The following RBFOX1 variants were observed in gnomAD, a reference collection of about 807,000 sequenced individuals.
RBFOX1 encodes the protein RNA binding protein fox-1 homolog 1.
RBFOX1 carries 8 observed loss-of-function variants against 57.7 expected under a neutral mutation model. That is an observed-to-expected ratio of 0.14 (90% CI 0.08 to 0.25). The LOEUF (loss-of-function observed/expected upper bound fraction) is 0.25. RBFOX1 is among the 10% of genes least tolerant of loss of function. The pLI is 1.00. For synonymous variants in RBFOX1, 326 were observed against 222.4 expected (o/e 1.47, Z -4.15); for missense variants, 611 against 548.5 (o/e 1.11, Z -1.14).
intron 3 of RBFOX1, among the ~76,000 whole-genome samples, chr16:5,626,003 T>G (rs1596498674): frequency 6.6e-6 from 1 of 152,104 alleles, no homozygotes; most frequent in African/African-American, 2.4e-5. Flanking sequence ...CAGCCTCCCA[T>G]GTAGCTGGGA....
intron 4 of RBFOX1, among the ~76,000 whole-genome samples, chr16:7,121,052 A>G (rs1208209077): frequency 6.6e-6 from 1 of 152,048 alleles, no homozygotes; most frequent in Non-Finnish European, 1.5e-5. Flanking sequence ...ATTGGAAAAC[A>G]AAAGCTAATC....
intron 3 of RBFOX1, among the ~76,000 whole-genome samples, chr16:6,934,207 A>T (rs950376816): frequency 6.6e-6 from 1 of 152,182 alleles, no homozygotes; most frequent in African/African-American, 2.4e-5. Context: ...TGGTCTAGGG[A>T]TTCTTGCTAT....
At chr16:6,771,939 G>C (rs147076240) in intron 3 of RBFOX1, among the ~76,000 whole-genome samples, 1 of 152,100 alleles carries the variant, frequency 6.6e-6, no homozygotes, top group African/African-American at 2.4e-5. Context: ...CCTACTCTGG[G>C]CATTGTGTAG....
intron 3 of RBFOX1, among the ~76,000 whole-genome samples, chr16:5,710,847 G>T (rs1004927911): frequency 2.0e-4 from 30 of 152,316 alleles, no homozygotes; most frequent in African/African-American, 6.5e-4. Flanking sequence ...TTGTGGCTCT[G>T]CAAGACCTGG....
chr16:6,220,682 G>GTT (rs766849845), intron 1 of RBFOX1, among the ~76,000 whole-genome samples: 25 of 150,638 alleles, frequency 1.7e-4, no homozygotes, highest in Non-Finnish European at 3.0e-4. Flanking sequence ...TACTGTAGAT[G>GTT]TATTTTTCAT....
chr16:7,367,142 G>A (rs2097467744), intron 4 of RBFOX1, among the ~76,000 whole-genome samples: 1 of 151,988 alleles, frequency 6.6e-6, no homozygotes, highest in Non-Finnish European at 1.5e-5. Context: ...AGTTGGGAAA[G>A]ATGGTCTCCT....
rs1232236632 is a variant in RBFOX1, at chr16:7,210,985, G to C, written c.27+158887G>C. Among the ~76,000 whole-genome samples the C allele has an allele frequency of 4.0e-5, 6 of 151,740 alleles. No homozygotes were observed. The South Asian group carries it at 1.2e-3, about 32-fold the overall frequency. On this transcript the variant is annotated intron_variant, in intron 4 of 15. Transcript: ENST00000550418. ...GGAAACTAATTTTATGAGATGATGA[G>C]TGTGTTAAATTGCTTGACTACATAA...
At chr16:5,533,873 C>T (rs1030225297) in intron 2 of RBFOX1, among the ~76,000 whole-genome samples, 1 of 152,002 alleles carries the variant, frequency 6.6e-6, no homozygotes, top group African/African-American at 2.4e-5. Context: ...GAGAGGTGGG[C>T]AGGGGTGTTG....
Position 7,172,150 on chromosome 16 carries a change from T to C in RBFOX1, c.27+120052T>C, listed in dbSNP as rs571764115. On this transcript the variant is annotated intron_variant, in intron 4 of 15. Coordinates refer to ENST00000550418, the MANE Select transcript of RBFOX1 (RefSeq NM_018723.4). ...TAAGTTATAAATGACCTTTCATTTTTAGAATTCTGCATCCTGGAATTAAAG... is the reference window on the plus strand; with the variant it reads ...TAAGTTATAAATGACCTTTCATTTTCAGAATTCTGCATCCTGGAATTAAAG... Among the ~76,000 whole-genome samples the C allele has an allele frequency of 2.0e-5, 3 of 152,352 alleles. No individual in the cohort carries two copies. The South Asian group carries it at 6.2e-4, about 32-fold the overall frequency.
intron 4 of RBFOX1, among the ~76,000 whole-genome samples, chr16:5,873,244 C>G (rs987062562): frequency 1.1e-4 from 17 of 152,298 alleles, no homozygotes; most frequent in Middle Eastern, 3.4e-3. Context: ...GTTTTGAAAG[C>G]TTGCTGTGCT....
At chr16:6,864,988 TCTTTTTC>T (rs1427284882) in intron 3 of RBFOX1, among the ~76,000 whole-genome samples, 6 of 111,538 alleles carry the variant, frequency 5.4e-5, no homozygotes, top group African/African-American at 1.9e-4. Flanking sequence ...AGTGGGTTTT[TCTTTTTC>T]TTTTTTTTTT....
At chr16:5,837,682 A>G (rs1190894703) in intron 3 of RBFOX1, among the ~76,000 whole-genome samples, 1 of 148,992 alleles carries the variant, frequency 6.7e-6, no homozygotes, top group African/African-American at 2.5e-5. Flanking sequence ...GAGGATTTTT[A>G]GTTCTATCCC....
chr16:7,124,712 ACT>A (rs1275215196), intron 4 of RBFOX1, among the ~76,000 whole-genome samples: 1 of 151,710 alleles, frequency 6.6e-6, no homozygotes, highest in African/African-American at 2.4e-5. Flanking sequence ...ACACAAAAAG[ACT>A]CTATATCACA....
At chr16:7,569,122 C>T (rs140616551) in intron 5 of RBFOX1, among the ~76,000 whole-genome samples, 8 of 152,154 alleles carry the variant, frequency 5.3e-5, no homozygotes, top group East Asian at 1.9e-4. Flanking sequence ...AAAACAGGAC[C>T]GTCCCATTGA....
chr16:7,117,729 C>T (rs1015552914), intron 4 of RBFOX1, among the ~76,000 whole-genome samples: 8 of 152,206 alleles, frequency 5.3e-5, no homozygotes, highest in Non-Finnish European at 1.0e-4. Context: ...GAAATTTGAG[C>T]ATGGCTTAGC....
intron 8 of RBFOX1, 185 bp from the exon 9 acceptor site, chr16:7,597,186 A>G (rs2094747697): frequency 2.0e-6 from 1 of 500,062 alleles, no homozygotes; most frequent in Non-Finnish European, 3.5e-6. Context: ...TTAAACGGTT[A>G]TGAAGTAAAT....
intron 2 of RBFOX1, among the ~76,000 whole-genome samples, chr16:6,593,853 G>A (rs894848161): frequency 1.6e-4 from 24 of 152,312 alleles, no homozygotes; most frequent in African/African-American, 5.3e-4. Context: ...GGTGATCTCT[G>A]AATGATGGAA....
In RBFOX1 at chr16:7,532,132, CT is replaced by C. The variant is rs545574581; in HGVS notation, c.270+13757del. 7.5e-3 allele frequency among the ~76,000 whole-genome samples: 715 copies of C among 95,186 alleles called. 7 individuals carry two copies. Among genetic ancestry groups the C allele is most frequent in the African/African-American group, 0.018 (634 of 34,914 alleles). The allele number at this position is 95,186 out of a possible 152,430, so 62.4% of individuals were successfully genotyped here. A position where few individuals can be genotyped will look rare whatever the true frequency, so the allele number is the denominator to read the frequency against. On this transcript the variant is annotated intron_variant, in intron 5 of 15. Transcript: ENST00000550418. ...TTTTTTAGGGGGAGAAACTAGCTACCTTTTTTTTTTTTTTCACTAAGAAAAG... is the reference window on the plus strand; with the variant it reads ...TTTTTTAGGGGGAGAAACTAGCTACCTTTTTTTTTTTTTCACTAAGAAAAG...
intron 14 of RBFOX1, among the ~76,000 whole-genome samples, chr16:7,705,079 G>A (rs890381351): frequency 6.7e-6 from 1 of 149,552 alleles, no homozygotes; most frequent in Non-Finnish European, 1.5e-5. Flanking sequence ...GAGAGCCAGA[G>A]AAAGAAGCAT....
Sources: gnomAD v4.1 joint callset for allele counts (sites outside exome capture counted in the v4.1 genomes callset) on GRCh38, gnomAD v4.1.1 for gene constraint, MANE v1.5 for transcripts, NCBI Gene and HGNC (gene_info 2026-07-23, HGNC 2026-07-21) for gene names.